SSBP2: variants seen among roughly 807,000 people sequenced by gnomAD.
SSBP2 encodes the protein single-stranded DNA-binding protein 2.
SSBP2 carries 17 observed loss-of-function variants against 61.8 expected under a neutral mutation model. The observed-to-expected ratio is 0.28, with a 90% CI of 0.19 to 0.41. The LOEUF (loss-of-function observed/expected upper bound fraction) is 0.41. Among genes scored for constraint, SSBP2 ranks in the 10% least tolerant of loss-of-function variants. The pLI is 1.00. For missense variants in SSBP2, 310 were observed against 458.7 expected, an observed-to-expected ratio of 0.68 and a Z score of 2.96; for synonymous variants, 139 against 141.3, an observed-to-expected ratio of 0.98 and a Z score of 0.12.
At chr5:81,736,477 C>T (rs745494379) in intron 1 of SSBP2, among the ~76,000 whole-genome samples, 23 of 152,192 alleles carry the variant, frequency 1.5e-4, no homozygotes, top group Admixed American at 1.1e-3. Flanking sequence ...TCTTTTGCTG[C>T]CTTTTCTCCT....
intron 15 of SSBP2, among the ~76,000 whole-genome samples, chr5:81,433,014 C>T (rs1406709183): frequency 6.6e-6 from 1 of 151,392 alleles, no homozygotes; most frequent in East Asian, 2.0e-4. Context: ...CGGCCAGCCG[C>T]CCCTTCCGGG....
chr5:81,531,204 G>A (rs1317438851), intron 4 of SSBP2, among the ~76,000 whole-genome samples: 1 of 142,632 alleles, frequency 7.0e-6, no homozygotes, highest in African/African-American at 2.7e-5. Context: ...CACTCAGCCT[G>A]AGTGGCAGAG....
intron 1 of SSBP2, among the ~76,000 whole-genome samples, chr5:81,681,550 A>C (rs1752387581): frequency 6.6e-6 from 1 of 151,608 alleles, no homozygotes; most frequent in South Asian, 2.1e-4. Context: ...AATACAACTT[A>C]CCAAAATTTG....
intron 16 of SSBP2, among the ~76,000 whole-genome samples, chr5:81,422,469 T>G (rs1169402362): frequency 6.6e-6 from 1 of 152,162 alleles, no homozygotes; most frequent in Non-Finnish European, 1.5e-5. Flanking sequence ...AAAGGGTCAC[T>G]GGACCATAGG....
intron 1 of SSBP2, among the ~76,000 whole-genome samples, chr5:81,745,737 C>T (rs1757315151): frequency 6.6e-6 from 1 of 151,942 alleles, no homozygotes; most frequent in Admixed American, 6.6e-5. Flanking sequence ...GTACTTTTGT[C>T]CTATGTCCCA....
At chr5:81,705,177 T>C (rs919818454) in intron 1 of SSBP2, among the ~76,000 whole-genome samples, 1 of 152,176 alleles carries the variant, frequency 6.6e-6, no homozygotes, top group Admixed American at 6.5e-5. Flanking sequence ...GTATATATAG[T>C]GCCTATATAT....
intron 5 of SSBP2, among the ~76,000 whole-genome samples, chr5:81,510,081 T>A (rs76630625): frequency 6.6e-6 from 1 of 152,306 alleles, no homozygotes; most frequent in East Asian, 1.9e-4. Context: ...TCTCTTACCC[T>A]CTCATTCTGT....
intron 5 of SSBP2, among the ~76,000 whole-genome samples, chr5:81,492,651 T>C (rs1443705309): frequency 6.6e-6 from 1 of 152,032 alleles, no homozygotes; most frequent in Non-Finnish European, 1.5e-5. Flanking sequence ...TGAATCAGTG[T>C]TTTAACTGGA....
At chr5:81,446,635 A>T (rs1159578789) in intron 12 of SSBP2, among the ~76,000 whole-genome samples, 2 of 152,184 alleles carry the variant, frequency 1.3e-5, no homozygotes, top group Non-Finnish European at 2.9e-5. Flanking sequence ...ATTCATATAG[A>T]TCAACAGTGT....
intron 1 of SSBP2, among the ~76,000 whole-genome samples, chr5:81,666,096 T>C (rs1045620886): frequency 1.3e-5 from 2 of 152,214 alleles, no homozygotes; most frequent in Admixed American, 6.5e-5. Context: ...GTTTTTAACA[T>C]TGTCTTTTTT....
intron 1 of SSBP2, among the ~76,000 whole-genome samples, chr5:81,702,260 A>G (rs929343999): frequency 6.6e-5 from 10 of 152,164 alleles, no homozygotes; most frequent in African/African-American, 2.4e-4. Context: ...AGTCCCAGCT[A>G]CTCAGGAGGC....
At chr5:81,633,994 A>G (rs1179528671) in intron 3 of SSBP2, among the ~76,000 whole-genome samples, 1 of 152,202 alleles carries the variant, frequency 6.6e-6, no homozygotes, top group African/African-American at 2.4e-5. Context: ...TTGTAAACCT[A>G]AAATAAAATT....
At chr5:81,650,521 A>G (rs1168359981) in intron 1 of SSBP2, among the ~76,000 whole-genome samples, 182 bp from the exon 2 acceptor site, 1 of 152,162 alleles carries the variant, frequency 6.6e-6, no homozygotes, top group East Asian at 1.9e-4. Context: ...ACTTAAAGTA[A>G]TTAAAAGTAG....
chr5:81,474,134 T>C (rs546170881), intron 7 of SSBP2, among the ~76,000 whole-genome samples: 15 of 152,328 alleles, frequency 9.8e-5, no homozygotes, highest in Non-Finnish European at 1.2e-4. Context: ...TAGCACCTTC[T>C]TTCCCTCTGC....
intron 4 of SSBP2, among the ~76,000 whole-genome samples, chr5:81,604,287 T>TG (rs1286310762): frequency 6.6e-6 from 1 of 151,420 alleles, no homozygotes; most frequent in Non-Finnish European, 1.5e-5. Context: ...AGTCCTATGC[T>TG]GTGTTCATAT....
At chr5:81,442,787 T>A (rs1469862342) in intron 12 of SSBP2, 64 bp from the exon 13 acceptor site, 1 of 854,210 alleles carries the variant, frequency 1.2e-6, no homozygotes, top group Non-Finnish European at 1.8e-6. Flanking sequence ...CATCACAAAG[T>A]AATGATCAAA....
intron 4 of SSBP2, among the ~76,000 whole-genome samples, chr5:81,609,293 C>T (rs1745204497): frequency 6.6e-6 from 1 of 152,108 alleles, no homozygotes; most frequent in Non-Finnish European, 1.5e-5. Context: ...TTAAATATAC[C>T]TTATATTTTT....
intron 1 of SSBP2, among the ~76,000 whole-genome samples, chr5:81,650,962 A>G (rs1186787304): frequency 2.6e-5 from 4 of 152,160 alleles, no homozygotes; most frequent in Non-Finnish European, 4.4e-5. Flanking sequence ...GGGAGCTTAC[A>G]GTTTAAAGGT....
At chr5:81,719,589 T>C (rs1007630366) in intron 1 of SSBP2, among the ~76,000 whole-genome samples, 2 of 152,112 alleles carry the variant, frequency 1.3e-5, no homozygotes, top group Non-Finnish European at 1.5e-5. Context: ...ACCCAGGTTT[T>C]GTTTTCTTTG....
Sources: allele counts gnomAD v4.1 joint callset (sites outside exome capture counted in the v4.1 genomes callset), GRCh38; gene constraint gnomAD v4.1.1; transcripts MANE v1.5; gene names NCBI Gene and HGNC (gene_info 2026-07-23, HGNC 2026-07-21).